The following SPDEF variants were observed in gnomAD, a reference collection of about 807,000 sequenced individuals.
The protein encoded by SPDEF is SAM pointed domain-containing Ets transcription factor.
SPDEF carries 12 observed loss-of-function variants against 36.0 expected under a neutral mutation model. The ratio of observed to expected loss-of-function variants is 0.33; its 90% CI spans 0.21 to 0.54. The LOEUF (loss-of-function observed/expected upper bound fraction) is 0.54. Ranked by LOEUF, SPDEF falls within the 20% of genes least tolerant of loss-of-function variation. SPDEF has a pLI of 0.93. For missense variants in SPDEF, 388 were observed against 456.9 expected (o/e 0.85, Z 1.37); for synonymous variants, 205 against 193.0 (o/e 1.06, Z -0.51).
rs146713427 is a variant in SPDEF, at chr6:34,544,053, C to T, written c.403G>A (p.Glu135Lys). ...ATGTTGAGCAGCTTGCAGGCCGTCT[C>T]GATGTCCTTGAGCACTTCGCCCACC... ...MVVGEVLKDI[E>K]TACKLLNITA... Residue 135 changes from glutamate (E) to lysine (K), a missense_variant, in exon 2 of 6, where the codon GAG (glutamate) becomes AAG (lysine). Transcript: ENST00000374037. This position sits in a 1 kb window ranked among gnomAD's most constrained non-coding sequence, Gnocchi z 4.4. 917 of 1,612,190 alleles carry T rather than the reference C, an allele frequency of 5.7e-4. 1 individual carries two copies. The highest frequency in any genetic ancestry group is 7.4e-4 in the Non-Finnish European group (869 of 1,179,468).
chr6:34,549,343 C>T (rs1453007015), intron 1 of SPDEF, among the ~76,000 whole-genome samples: 1 of 152,184 alleles, frequency 6.6e-6, no homozygotes, highest in African/African-American at 2.4e-5. Context: ...CTTCTCTCAG[C>T]GCCTTCCATT....
chr6:34,545,684 C>T (rs1767937177), intron 1 of SPDEF, among the ~76,000 whole-genome samples: 1 of 152,174 alleles, frequency 6.6e-6, no homozygotes, highest in Admixed American at 6.5e-5. Context: ...CCGAGGCGGG[C>T]AGATCACCTG....
At position 34,555,598 on chromosome 6, in the gene SPDEF, C is replaced by G. The variant is rs2127295729; in HGVS notation, c.-30+331G>C. On this transcript the variant is annotated intron_variant, in intron 1 of 5. Transcript: ENST00000374037. The surrounding 1 kb of genome is among the most constrained non-coding windows in gnomAD (Gnocchi z 5.2). ...TGTTTCTCCAGCCAAGCAGAACTGG[C>G]TGGGTCTCAGGGGCCGGGGCTCTGC... Among the ~76,000 whole-genome samples, 1 of 152,288 alleles carries G rather than the reference C, an allele frequency of 6.6e-6. No homozygotes were observed. Among genetic ancestry groups the G allele is most frequent in the Middle Eastern group, 3.4e-3 (1 of 294 alleles).
In SPDEF at chr6:34,539,632, G is replaced by GT; in HGVS notation, c.635-71dup. ...AGGGTGGAGGAGGGGAGGCGTTTGG[G>GT]TGGGACTGTGGGGCCACAGGAGCCC... On this transcript the variant is annotated intron_variant, in intron 3 of 5. Coordinates refer to ENST00000374037, the MANE Select transcript of SPDEF (RefSeq NM_012391.3). The surrounding 1 kb of genome is among the most constrained non-coding windows in gnomAD (Gnocchi z 5.2). 6.6e-7 allele frequency: 1 copy of GT among 1,511,620 alleles called. No homozygotes were observed. The highest frequency in any genetic ancestry group is 1.2e-5 in the South Asian group (1 of 83,218). 93.6% of individuals were successfully genotyped at this position (1,511,620 alleles called of 1,614,324 possible).
chr6:34,538,162 G>T lies in SPDEF; in HGVS notation c.*112C>A. 8.1e-7 allele frequency: 1 copy of T among 1,227,324 alleles called. No individual in the cohort carries two copies. Among genetic ancestry groups the T allele is most frequent in the Non-Finnish European group, 1.1e-6 (1 of 875,514 alleles). The allele number at this position is 1,227,324 out of a possible 1,614,324, so 76.0% of individuals were successfully genotyped here. The stretch of plus-strand genomic sequence containing the variant: ...CCCTCCCTGACCTTGGGCTCTGGAA[G>T]GTCAGAGCAGCAGAGCAGACTGCCC... On this transcript the variant is annotated 3_prime_UTR_variant, in exon 6 of 6. Coordinates refer to ENST00000374037, the MANE Select transcript of SPDEF (RefSeq NM_012391.3). This position sits in a 1 kb window ranked among gnomAD's most constrained non-coding sequence, Gnocchi z 5.9.
intron 2 of SPDEF, among the ~76,000 whole-genome samples, chr6:34,542,248 A>G (rs990933072): frequency 2.0e-5 from 3 of 152,220 alleles, no homozygotes; most frequent in African/African-American, 7.2e-5. Flanking sequence ...AAAGCTGCAC[A>G]GAGTTCAGTG....
Position 34,555,610 on chromosome 6 carries a change from G to A in SPDEF, c.-30+319C>T, listed in dbSNP as rs1161659058. On this transcript the variant is annotated intron_variant, in intron 1 of 5. Coordinates refer to ENST00000374037, the MANE Select transcript of SPDEF (RefSeq NM_012391.3). The surrounding 1 kb of genome is among the most constrained non-coding windows in gnomAD (Gnocchi z 5.2). ...CAAGCAGAACTGGCTGGGTCTCAGG[G>A]GCCGGGGCTCTGCATCTGCACGGCG... Among the ~76,000 whole-genome samples the A allele has an allele frequency of 6.6e-6, 1 of 152,164 alleles. No homozygotes were observed. The highest frequency in any genetic ancestry group is 1.5e-5 in the Non-Finnish European group (1 of 68,026).
intron 2 of SPDEF, among the ~76,000 whole-genome samples, chr6:34,543,076 C>T (rs939178178): frequency 3.9e-4 from 58 of 150,566 alleles, no homozygotes; most frequent in African/African-American, 1.2e-3. Context: ...CCTGTAGTCC[C>T]AGCTACTCGG....
Position 34,552,431 on chromosome 6 carries a change from T to C in SPDEF, c.-30+3498A>G, listed in dbSNP as rs893957628. 6.6e-6 allele frequency among the ~76,000 whole-genome samples: 1 copy of C among 152,206 alleles called. No individual in the cohort carries two copies. Among genetic ancestry groups the C allele is most frequent in the Non-Finnish European group, 1.5e-5 (1 of 68,038 alleles). On this transcript the variant is annotated intron_variant, in intron 1 of 5. Coordinates refer to ENST00000374037, the MANE Select transcript of SPDEF (RefSeq NM_012391.3). The surrounding 1 kb of genome is among the most constrained non-coding windows in gnomAD (Gnocchi z 4.6). Reference sequence around the variant, plus strand: ...ACAGGGACTCATAAAGACAGCTGTGTGTCTGGATTTTGAAGTCACCAGGCA... The same window carrying C: ...ACAGGGACTCATAAAGACAGCTGTGCGTCTGGATTTTGAAGTCACCAGGCA...
rs1280973679 is a variant in SPDEF at position 34,544,994 on chromosome 6, A to T, written c.-29-510T>A. 6.6e-6 allele frequency among the ~76,000 whole-genome samples: 1 copy of T among 152,206 alleles called. No individual in the cohort carries two copies. The highest frequency in any genetic ancestry group is 1.5e-5 in the Non-Finnish European group (1 of 68,022). ...AAAGGTGGCTATCATCTTCACCAGCAGGGGAAAGACGAGAGGAACAAGGCG... is the reference window on the plus strand; with the variant it reads ...AAAGGTGGCTATCATCTTCACCAGCTGGGGAAAGACGAGAGGAACAAGGCG... On this transcript the variant is annotated intron_variant, in intron 1 of 5. Coordinates refer to ENST00000374037, the MANE Select transcript of SPDEF (RefSeq NM_012391.3). This position sits in a 1 kb window ranked among gnomAD's most constrained non-coding sequence, Gnocchi z 4.4.
chr6:34,555,423 A>T lies in SPDEF; in HGVS notation c.-30+506T>A, dbSNP rs569660894. Reference sequence around the variant, plus strand: ...GCCCAGCCCAGCTACTGGGCTCTGGACCTGTCTCCCCTGTCCCGAACTGGA... The same window carrying T: ...GCCCAGCCCAGCTACTGGGCTCTGGTCCTGTCTCCCCTGTCCCGAACTGGA... On this transcript the variant is annotated intron_variant, in intron 1 of 5. Transcript: ENST00000374037. The surrounding 1 kb of genome is among the most constrained non-coding windows in gnomAD (Gnocchi z 5.2). 3.3e-5 allele frequency among the ~76,000 whole-genome samples: 5 copies of T among 152,028 alleles called. No individual in the cohort carries two copies. The East Asian group carries it at 9.7e-4, about 29-fold the overall frequency.
intron 1 of SPDEF, among the ~76,000 whole-genome samples, chr6:34,551,998 T>A (rs557430771): frequency 2.6e-5 from 4 of 152,280 alleles, no homozygotes; most frequent in Admixed American, 2.6e-4. Context: ...CCCATGTGTA[T>A]ATAAATACAT....
At chr6:34,553,762 T>C (rs1050829699) in intron 1 of SPDEF, among the ~76,000 whole-genome samples, 1 of 150,366 alleles carries the variant, frequency 6.7e-6, no homozygotes, top group Non-Finnish European at 1.5e-5. Flanking sequence ...GGCGAGAGAG[T>C]GGAGTCTGGG....
intron 1 of SPDEF, among the ~76,000 whole-genome samples, chr6:34,554,141 C>G (rs1382936611): frequency 6.6e-6 from 1 of 152,138 alleles, no homozygotes; most frequent in Non-Finnish European, 1.5e-5. Flanking sequence ...TCCTTCTTGC[C>G]CTCCACCTTG....
rs1767749394 is a variant in SPDEF at position 34,538,803 on chromosome 6, A to C, written c.830-351T>G. ...CCTGCTTCTGTGTGGGGTTTGCATG[A>C]CCTAATGCAAAGTCCTGTGTGGCTC... On this transcript the variant is annotated intron_variant, in intron 5 of 5. Coordinates refer to ENST00000374037, the MANE Select transcript of SPDEF (RefSeq NM_012391.3). The surrounding 1 kb of genome is among the most constrained non-coding windows in gnomAD (Gnocchi z 5.9). Among the ~76,000 whole-genome samples the C allele has an allele frequency of 1.3e-5, 2 of 151,998 alleles. No individual in the cohort carries two copies. The highest frequency in any genetic ancestry group is 4.8e-5 in the African/African-American group (2 of 41,372).
chr6:34,544,115 A>G lies in SPDEF; in HGVS notation c.341T>C (p.Leu114Ser). ...SLDLVPGGLT[L>S]EEHSLEQVQS... Reference sequence around the variant, plus strand: ...CACCTGCTCCAGCGAGTGCTCCTCCAAGGTCAGCCCGCCGGGCACCAAGTC... The same window carrying G: ...CACCTGCTCCAGCGAGTGCTCCTCCGAGGTCAGCCCGCCGGGCACCAAGTC... The change falls in exon 2 of 6, where the codon TTG becomes TCG. Residue 114 changes from leucine (L) to serine (S), a missense_variant. Leu to Ser is a moderately radical substitution (Grantham distance 145). Around this residue, in one of 2 missense-constraint regions of SPDEF, gnomAD observed 308 missense variants for 326.1 expected, o/e 0.94. Transcript: ENST00000374037. The surrounding 1 kb of genome is among the most constrained non-coding windows in gnomAD (Gnocchi z 4.4). 6.2e-7 allele frequency: 1 copy of G among 1,613,776 alleles called. No individual in the cohort carries two copies. The highest frequency in any genetic ancestry group is 8.5e-7 in the Non-Finnish European group (1 of 1,179,918).
In SPDEF at chr6:34,539,409, G is replaced by T. The variant is rs890098331; in HGVS notation, c.683-13C>A. On this transcript the variant is annotated splice_polypyrimidine_tract_variant and intron_variant, in intron 4 of 5. Transcript: ENST00000374037. The surrounding 1 kb of genome is among the most constrained non-coding windows in gnomAD (Gnocchi z 5.2). ...TCACTGGTCGAGGCTGGGTGGCCAG[G>T]GAGGGTGGCGGTGAGTGGGAATGGG... 2.5e-6 allele frequency: 4 copies of T among 1,613,098 alleles called. No individual in the cohort carries two copies. Among genetic ancestry groups the T allele is most frequent in the Non-Finnish European group, 2.5e-6 (3 of 1,179,898 alleles).
Position 34,538,268 on chromosome 6 carries a change from A to C in SPDEF, c.*6T>G, listed in dbSNP as rs1382036656. The C allele has an allele frequency of 6.2e-7, 1 of 1,611,892 alleles. No individual in the cohort carries two copies. Among genetic ancestry groups the C allele is most frequent in the South Asian group, 1.1e-5 (1 of 90,862 alleles). On this transcript the variant is annotated 3_prime_UTR_variant, in exon 6 of 6. Coordinates refer to ENST00000374037, the MANE Select transcript of SPDEF (RefSeq NM_012391.3). This position sits in a 1 kb window ranked among gnomAD's most constrained non-coding sequence, Gnocchi z 5.9. ...GAGGGCGGGTTTCAGGCCCTGGGCC[A>C]GGCACTCAGATGGGGTGCACGAACT...
intron 1 of SPDEF, among the ~76,000 whole-genome samples, chr6:34,545,722 C>T (rs1259652074): frequency 6.6e-6 from 1 of 152,066 alleles, no homozygotes; most frequent in Non-Finnish European, 1.5e-5. Flanking sequence ...CCAGCCTGGC[C>T]AACATGGTGA....
Sources: gnomAD v4.1 joint callset for allele counts (sites outside exome capture counted in the v4.1 genomes callset) on GRCh38, gnomAD v4.1.1 for gene constraint, gnomAD v4.1.1 regional missense constraint, Gnocchi (gnomAD v3.1) non-coding constraint, MANE v1.5 for transcripts, NCBI Gene and HGNC (gene_info 2026-07-23, HGNC 2026-07-21) for gene names.